Variants in ZRANB3 observed in about 807,000 individuals in gnomAD.
The protein encoded by ZRANB3 is zinc finger RANBP2-type containing 3.
In ZRANB3, 125 loss-of-function variants were observed where a neutral mutation model predicts 133.8. The observed-to-expected ratio is 0.93, with a 90% CI of 0.81 to 1.08. ZRANB3 has a LOEUF of 1.08. ZRANB3 is among the 50% of genes least tolerant of loss of function. The pLI is 0.00. For missense variants in ZRANB3, 1,229 were observed against 1,275.5 expected, an observed-to-expected ratio of 0.96 and a Z score of 0.56; for synonymous variants, 387 against 432.7, an observed-to-expected ratio of 0.89 and a Z score of 1.31.
chr2:135,294,175 A>T (rs993189020), intron 8 of ZRANB3, among the ~76,000 whole-genome samples: 12 of 152,236 alleles, frequency 7.9e-5, no homozygotes, highest in Non-Finnish European at 1.8e-4. Flanking sequence ...GAATGGTACC[A>T]GCTCTTCCTT....
intron 2 of ZRANB3, among the ~76,000 whole-genome samples, chr2:135,465,875 T>C (rs1309040612): frequency 1.3e-5 from 2 of 152,108 alleles, no homozygotes; most frequent in African/African-American, 2.4e-5. Flanking sequence ...AACAGACACT[T>C]GCCAAAAGAA....
intron 2 of ZRANB3, among the ~76,000 whole-genome samples, chr2:135,426,698 G>A (rs1220642742): frequency 6.7e-6 from 1 of 150,066 alleles, no homozygotes; most frequent in Non-Finnish European, 1.5e-5. Flanking sequence ...CAGGCTTGGT[G>A]GTGAGCGCCA....
chr2:135,322,525 G>A (rs973970655), intron 6 of ZRANB3, among the ~76,000 whole-genome samples: 3 of 151,998 alleles, frequency 2.0e-5, no homozygotes, highest in Admixed American at 6.6e-5. Flanking sequence ...AGACCAGCCT[G>A]GGCAACATAG....
At chr2:135,292,790 C>T (rs191205475) in intron 8 of ZRANB3, among the ~76,000 whole-genome samples, 18 of 152,168 alleles carry the variant, frequency 1.2e-4, no homozygotes, top group African/African-American at 2.4e-4. Flanking sequence ...AAGGAAGGGA[C>T]CCACTTCCAG....
chr2:135,404,215 C>T (rs779608649), intron 2 of ZRANB3, among the ~76,000 whole-genome samples: 18 of 152,182 alleles, frequency 1.2e-4, no homozygotes, highest in African/African-American at 3.4e-4. Context: ...AAAAATTAGA[C>T]GCATGGCTAA....
rs368489569 is a variant in ZRANB3, at chr2:135,249,706, G to C, written c.1539+15828C>G. 7.9e-5 allele frequency among the ~76,000 whole-genome samples: 12 copies of C among 152,172 alleles called. 1 individual carries two copies. Among genetic ancestry groups the C allele is most frequent in the East Asian group, 7.7e-4 (4 of 5,196 alleles). On this transcript the variant is annotated intron_variant, in intron 12 of 20. Coordinates refer to ENST00000264159, the MANE Select transcript of ZRANB3 (RefSeq NM_032143.4). ...ATGAGATCTGATGGGTTTATCACGGGTTTCCGCTTTTGCTTCCTTCTCATT... is the reference window on the plus strand; with the variant it reads ...ATGAGATCTGATGGGTTTATCACGGCTTTCCGCTTTTGCTTCCTTCTCATT...
chr2:135,371,809 G>A (rs900633683), intron 3 of ZRANB3, among the ~76,000 whole-genome samples: 1 of 152,126 alleles, frequency 6.6e-6, no homozygotes, highest in African/African-American at 2.4e-5. Flanking sequence ...AATGTATCAG[G>A]AGGTGGAGGT....
intron 2 of ZRANB3, among the ~76,000 whole-genome samples, chr2:135,476,885 T>C (rs1253247574): frequency 6.6e-6 from 1 of 151,860 alleles, no homozygotes; most frequent in Non-Finnish European, 1.5e-5. Context: ...TTAATTTTTA[T>C]TTAAAAGAAA....
chr2:135,453,590 A>G lies in ZRANB3; in HGVS notation c.161+50739T>C, dbSNP rs530932779. The stretch of plus-strand genomic sequence containing the variant: ...CTCTCTCAAGTTCAAAGTTCCACAA[A>G]TCTCTAGGGCAGGGGCAAAGTGCCG... On this transcript the variant is annotated intron_variant, in intron 2 of 20. Coordinates refer to ENST00000264159, the MANE Select transcript of ZRANB3 (RefSeq NM_032143.4). Among the ~76,000 whole-genome samples, 13 of 152,262 alleles carry G rather than the reference A, an allele frequency of 8.5e-5. No individual in the cohort carries two copies. In the East Asian group the frequency reaches 2.5e-3, roughly 29 times the overall value.
At chr2:135,478,415 T>A (rs1003487980) in intron 2 of ZRANB3, among the ~76,000 whole-genome samples, 3 of 152,070 alleles carry the variant, frequency 2.0e-5, no homozygotes, top group Admixed American at 6.6e-5. Context: ...TGGCCCATCC[T>A]TTCACAACAC....
chr2:135,383,669 A>T (rs1328988260), intron 3 of ZRANB3, among the ~76,000 whole-genome samples: 1 of 152,222 alleles, frequency 6.6e-6, no homozygotes, highest in Non-Finnish European at 1.5e-5. Context: ...GTGCAATCAA[A>T]CTAGAACTCA....
At chr2:135,349,153 T>C (rs757822778) in intron 5 of ZRANB3, among the ~76,000 whole-genome samples, 3 of 152,144 alleles carry the variant, frequency 2.0e-5, no homozygotes, top group Non-Finnish European at 4.4e-5. Context: ...GCTTAGGTAA[T>C]ACTGTTAGAC....
rs6754127 is a variant in ZRANB3 at position 135,400,016 on chromosome 2, C to T, written c.162-9196G>A. Among the ~76,000 whole-genome samples, 852 of 152,162 alleles carry T rather than the reference C, an allele frequency of 5.6e-3. 5 individuals are homozygous for T. The highest frequency in any genetic ancestry group is 0.019 in the African/African-American group (798 of 41,508). Reference sequence around the variant, plus strand: ...CAGCAATTTGGAAGGCCAAGGCAGGCGGATTAAGAGGTCAAGAGTTTGAGA... The same window carrying T: ...CAGCAATTTGGAAGGCCAAGGCAGGTGGATTAAGAGGTCAAGAGTTTGAGA... On this transcript the variant is annotated intron_variant, in intron 2 of 20. Transcript: ENST00000264159.
intron 1 of ZRANB3, among the ~76,000 whole-genome samples, chr2:135,505,076 C>A (rs1693114396): frequency 6.6e-6 from 1 of 151,968 alleles, no homozygotes; most frequent in South Asian, 2.1e-4. Context: ...TAGCACTTTG[C>A]CTGATTAACA....
At chr2:135,473,343 T>C (rs1367793977) in intron 2 of ZRANB3, among the ~76,000 whole-genome samples, 1 of 152,102 alleles carries the variant, frequency 6.6e-6, no homozygotes, top group Non-Finnish European at 1.5e-5. Context: ...TATGCAAACA[T>C]ACCAACACCA....
At chr2:135,444,763 T>C (rs935734859) in intron 2 of ZRANB3, among the ~76,000 whole-genome samples, 1 of 152,204 alleles carries the variant, frequency 6.6e-6, no homozygotes, top group African/African-American at 2.4e-5. Flanking sequence ...GTGTATAGTT[T>C]ATAACACAAA....
chr2:135,262,774 C>T (rs1225660097), intron 12 of ZRANB3, among the ~76,000 whole-genome samples: 1 of 150,482 alleles, frequency 6.6e-6, no homozygotes, highest in African/African-American at 2.5e-5. Context: ...GGCAGAGAGC[C>T]TGTCTTTTAA....
At chr2:135,290,539 C>A (rs1471903951) in intron 8 of ZRANB3, among the ~76,000 whole-genome samples, 1 of 152,188 alleles carries the variant, frequency 6.6e-6, no homozygotes, top group East Asian at 1.9e-4. Context: ...TTGATGAATT[C>A]TTATTCATTC....
rs1030961292 is a variant in ZRANB3 at position 135,340,262 on chromosome 2, C to T, written c.677+5288G>A. Among the ~76,000 whole-genome samples the T allele has an allele frequency of 5.3e-5, 8 of 151,868 alleles. No homozygotes were observed. The East Asian group carries it at 5.8e-4, about 11-fold the overall frequency. Reference sequence around the variant, plus strand: ...CTGGGATTACAGGTGCCCGCCACCACGCCCAGCTAATTTTTGTATTTTTAT... The same window carrying T: ...CTGGGATTACAGGTGCCCGCCACCATGCCCAGCTAATTTTTGTATTTTTAT... On this transcript the variant is annotated intron_variant, in intron 6 of 20. Coordinates refer to ENST00000264159, the MANE Select transcript of ZRANB3 (RefSeq NM_032143.4).
Sources: allele counts gnomAD v4.1 joint callset (sites outside exome capture counted in the v4.1 genomes callset), GRCh38; gene constraint gnomAD v4.1.1; transcripts MANE v1.5; gene names NCBI Gene and HGNC (gene_info 2026-07-23, HGNC 2026-07-21).